Variants in NFIB observed in about 807,000 individuals in gnomAD.
NFIB encodes the protein nuclear factor 1 B-type.
In NFIB, 11 loss-of-function variants were observed where a neutral mutation model predicts 61.5. The ratio of observed to expected loss-of-function variants is 0.18; its 90% CI spans 0.11 to 0.30. NFIB has a LOEUF of 0.30. Among genes scored for constraint, NFIB ranks in the 10% least tolerant of loss-of-function variants. The pLI is 1.00. For synonymous variants in NFIB, 260 were observed against 216.5 expected (o/e 1.20, Z -1.76); for missense variants, 471 against 608.9 (o/e 0.77, Z 2.38).
At chr9:14,413,273 A>C in the NFIB span, among the ~76,000 whole-genome samples, 1 of 152,172 alleles carries the variant, frequency 6.6e-6, no homozygotes, top group Non-Finnish European at 1.5e-5. Flanking sequence ...GGGGAACAGT[A>C]TCAGGCATAT....
At chr9:14,355,432 A>G (rs546345027) in intron 1 of NFIB, among the ~76,000 whole-genome samples, 1 of 152,178 alleles carries the variant, frequency 6.6e-6, no homozygotes, top group Non-Finnish European at 1.5e-5. Context: ...AAGCCACCCA[A>G]TCTGCAGTAT....
chr9:14,365,614 T>C (rs2061290675), intron 1 of NFIB, among the ~76,000 whole-genome samples: 1 of 152,238 alleles, frequency 6.6e-6, no homozygotes, highest in Non-Finnish European at 1.5e-5. Context: ...CTGAAGGAGT[T>C]CAGAAATAGA....
chr9:14,205,032 C>A (rs2049483723), intron 2 of NFIB: 1 of 264,538 alleles, frequency 3.8e-6, no homozygotes, highest in East Asian at 8.0e-5. Flanking sequence ...AACTTGCCAC[C>A]AAACTGGGTT....
chr9:14,172,773 A>C lies in NFIB; in HGVS notation c.616+6954T>G, dbSNP rs979493308. Reference sequence around the variant, plus strand: ...GAGAAGAGCAGTATAAAAATTCAACACTTTTTTTTTTTTTGAGACGGAGTC... The same window carrying C: ...GAGAAGAGCAGTATAAAAATTCAACCCTTTTTTTTTTTTTGAGACGGAGTC... On this transcript the variant is annotated intron_variant, in intron 3 of 10. Coordinates refer to ENST00000380953, the MANE Select transcript of NFIB (RefSeq NM_001190737.2). 2.7e-5 allele frequency among the ~76,000 whole-genome samples: 4 copies of C among 148,174 alleles called. No individual in the cohort carries two copies. In the South Asian group the frequency reaches 6.4e-4, roughly 24 times the overall value.
chr9:14,281,377 T>C (rs1292771495), intron 2 of NFIB, among the ~76,000 whole-genome samples: 4 of 151,882 alleles, frequency 2.6e-5, no homozygotes, highest in African/African-American at 9.7e-5. Flanking sequence ...AAAAATAGAG[T>C]GGAGAGACAC....
chr9:14,146,593 C>T (rs2042300218), intron 6 of NFIB, 96 bp downstream of exon 6: 2 of 1,515,824 alleles, frequency 1.3e-6, no homozygotes, highest in African/African-American at 2.8e-5. Context: ...ATATACAATC[C>T]ATATTGGTTT....
the NFIB span, among the ~76,000 whole-genome samples, chr9:14,437,635 T>C: frequency 3.3e-5 from 5 of 152,200 alleles, no homozygotes; most frequent in South Asian, 2.1e-4. Context: ...CCTGGTTGTT[T>C]ATAATGGATT....
intron 3 of NFIB, among the ~76,000 whole-genome samples, chr9:14,170,852 C>T (rs1230691215): frequency 6.6e-6 from 1 of 152,170 alleles, no homozygotes; most frequent in African/African-American, 2.4e-5. Context: ...TAGCAAATTA[C>T]AAGCTATTTC....
At chr9:14,411,963 G>A in the NFIB span, among the ~76,000 whole-genome samples, 76 of 152,262 alleles carry the variant, frequency 5.0e-4, no homozygotes, top group Non-Finnish European at 1.5e-5. Flanking sequence ...AAGAACAGAG[G>A]CCAACAGCCA....
chr9:14,434,551 T>G, the NFIB span, among the ~76,000 whole-genome samples: 1 of 152,308 alleles, frequency 6.6e-6, no homozygotes, highest in African/African-American at 2.4e-5. Flanking sequence ...ATATCCTGAC[T>G]GAGGAAAGGA....
At position 14,243,364 on chromosome 9, in the gene NFIB, A is replaced by T. The variant is rs185182618; in HGVS notation, c.563-63584T>A. ...TGCATCATAAGGCATTTGAAGGTGG[A>T]GAAGCTGGCATGTGATTCCAAAACA... On this transcript the variant is annotated intron_variant, in intron 2 of 10. Transcript: ENST00000380953. Among the ~76,000 whole-genome samples the T allele has an allele frequency of 3.3e-5, 5 of 152,336 alleles. No homozygotes were observed. The East Asian group carries it at 9.7e-4, about 29-fold the overall frequency.
intron 6 of NFIB, among the ~76,000 whole-genome samples, chr9:14,144,377 G>A (rs7868947): frequency 0.19 from 28,725 of 152,034 alleles, 3,017 homozygotes; most frequent in South Asian, 0.34. Context: ...TTCTGACAAG[G>A]AAAGTATGGC....
At chr9:14,137,234 T>C (rs7019649) in intron 6 of NFIB, among the ~76,000 whole-genome samples, 78,659 of 152,068 alleles carry the variant, frequency 0.52, 23,121 homozygotes, top group African/African-American at 0.79. Flanking sequence ...GGTTCTGTTA[T>C]AATAACTCAA....
intron 1 of NFIB, among the ~76,000 whole-genome samples, chr9:14,348,496 C>T (rs1190336847): frequency 6.6e-6 from 1 of 152,226 alleles, no homozygotes; most frequent in African/African-American, 2.4e-5. Context: ...TCCCAGAACG[C>T]AGCTTTCGTT....
intron 3 of NFIB, among the ~76,000 whole-genome samples, chr9:14,169,169 G>C (rs1219990404): frequency 6.6e-6 from 1 of 152,126 alleles, no homozygotes; most frequent in African/African-American, 2.4e-5. Flanking sequence ...AATGGAGCCA[G>C]CATCTTACCA....
At chr9:14,173,900 G>A (rs1331415170) in intron 3 of NFIB, among the ~76,000 whole-genome samples, 1 of 152,112 alleles carries the variant, frequency 6.6e-6, no homozygotes, top group Non-Finnish European at 1.5e-5. Context: ...GAAGCACTGT[G>A]GAGGCTGGGC....
rs962037636 is a variant in NFIB, at chr9:14,085,412, C to A, written c.*2897G>T. 3 of 222,660 alleles carry A rather than the reference C, an allele frequency of 1.3e-5. No individual in the cohort carries two copies. The highest frequency in any genetic ancestry group is 1.8e-5 in the Non-Finnish European group (2 of 111,650). The allele number at this position is 222,660 out of a possible 1,614,324, so 13.8% of individuals were successfully genotyped here. On this transcript the variant is annotated 3_prime_UTR_variant, in exon 11 of 11. Transcript: ENST00000380953. ...TGAGGGAAAGGCAAAATAAAACCAG[C>A]CTCCATTCAGCCTCTAGCCCTCAGG...
the NFIB span, among the ~76,000 whole-genome samples, chr9:14,508,768 T>G: frequency 1.3e-5 from 2 of 152,320 alleles, no homozygotes; most frequent in East Asian, 3.9e-4. Flanking sequence ...AAAGCCCCCC[T>G]TTTGCCTGTG....
intron 2 of NFIB, among the ~76,000 whole-genome samples, chr9:14,293,454 GAA>G (rs1020314114): frequency 4.6e-5 from 7 of 152,156 alleles, no homozygotes; most frequent in Admixed American, 1.3e-4. Flanking sequence ...CCCTGAGTAT[GAA>G]AAACTCAACA....
Sources: gnomAD v4.1 joint callset for allele counts (sites outside exome capture counted in the v4.1 genomes callset) on GRCh38, gnomAD v4.1.1 for gene constraint, MANE v1.5 for transcripts, NCBI Gene and HGNC (gene_info 2026-07-23, HGNC 2026-07-21) for gene names.